Variants in NEK6 observed in about 807,000 individuals in gnomAD.
NEK6 encodes serine/threonine-protein kinase Nek6.
In NEK6, 27 loss-of-function variants were observed where a neutral mutation model predicts 43.5. The ratio of observed to expected loss-of-function variants is 0.62; its 90% CI spans 0.46 to 0.86. The LOEUF (loss-of-function observed/expected upper bound fraction) is 0.86. Among genes scored for constraint, NEK6 ranks in the 40% least tolerant of loss-of-function variants. The pLI is 0.00. For missense variants in NEK6, 318 were observed against 414.4 expected (o/e 0.77, Z 2.02); for synonymous variants, 167 against 164.1 (o/e 1.02, Z -0.14).
intron 2 of NEK6, among the ~76,000 whole-genome samples, chr9:124,308,038 G>A (rs1238820546): frequency 2.0e-5 from 3 of 152,182 alleles, no homozygotes; most frequent in Admixed American, 2.0e-4. Flanking sequence ...AGCACCTAGT[G>A]CCAGGCCCTC....
At chr9:124,312,164 G>C (rs1433413396) in intron 2 of NEK6, among the ~76,000 whole-genome samples, 1 of 152,244 alleles carries the variant, frequency 6.6e-6, no homozygotes, top group East Asian at 1.9e-4. Flanking sequence ...ATTCAGGAGA[G>C]GATGAGACGG....
chr9:124,305,910 T>C (rs961854968), intron 2 of NEK6, among the ~76,000 whole-genome samples: 4 of 152,250 alleles, frequency 2.6e-5, no homozygotes, highest in Non-Finnish European at 1.5e-5. Flanking sequence ...ATGGTGTTTA[T>C]GAAGGTCTCA....
chr9:124,335,480 A>G (rs1471577732), intron 7 of NEK6, among the ~76,000 whole-genome samples: 1 of 152,220 alleles, frequency 6.6e-6, no homozygotes, highest in African/African-American at 2.4e-5. Context: ...GATTATTGCC[A>G]TGAAAAGGAG....
chr9:124,262,893 G>A (rs2282087), intron 1 of NEK6: 2,934 of 152,332 alleles, frequency 0.019, 46 homozygotes, highest in East Asian at 0.084. Flanking sequence ...CATTTTCCCC[G>A]AATTGTTTAA....
chr9:124,260,739 T>C (rs1041638990), intron 1 of NEK6, among the ~76,000 whole-genome samples: 4 of 152,230 alleles, frequency 2.6e-5, no homozygotes, highest in Admixed American at 6.5e-5. Flanking sequence ...GTGCTAGGTC[T>C]GGTGCTGTAT....
At position 124,326,323 on chromosome 9, in the gene NEK6, A is replaced by G; in HGVS notation, c.406-7A>G. 6.4e-7 allele frequency: 1 copy of G among 1,572,522 alleles called. No homozygotes were observed. On this transcript the variant is annotated splice_polypyrimidine_tract_variant and splice_region_variant and intron_variant, in intron 5 of 9. Coordinates refer to ENST00000320246, the MANE Select transcript of NEK6 (RefSeq NM_014397.6). The surrounding 1 kb of genome is among the most constrained non-coding windows in gnomAD (Gnocchi z 4.5). ...GCCTATCCCTCTGCTTGTCTCCCCC[A>G]CTGCAGTACTTTAAGAAGCAGAAGC...
chr9:124,283,264 TGA>T (rs996844115), intron 1 of NEK6, among the ~76,000 whole-genome samples: 3 of 152,174 alleles, frequency 2.0e-5, no homozygotes, highest in African/African-American at 7.2e-5. Context: ...CAATACTGAA[TGA>T]GAGAGAGCAT....
intron 1 of NEK6, among the ~76,000 whole-genome samples, chr9:124,300,842 A>G (rs1163920005): frequency 6.6e-6 from 1 of 152,210 alleles, no homozygotes; most frequent in Admixed American, 6.5e-5. Flanking sequence ...CCAGGGGTAC[A>G]GCTGAGCTGC....
At chr9:124,327,654 CT>C (rs1828720426) in intron 7 of NEK6, among the ~76,000 whole-genome samples, 2 of 152,256 alleles carry the variant, frequency 1.3e-5, no homozygotes, top group South Asian at 4.1e-4. Context: ...CCCACACCCC[CT>C]GATCACCTCC....
intron 1 of NEK6, chr9:124,291,828 G>A: frequency 1.0e-6 from 1 of 985,632 alleles, no homozygotes; most frequent in Non-Finnish European, 1.2e-6. Flanking sequence ...TGGCGGCTGT[G>A]ACAAGTTCCA....
Position 124,330,316 on chromosome 9 carries a change from G to A in NEK6, c.622+2871G>A, listed in dbSNP as rs145422278. Among the ~76,000 whole-genome samples the A allele has an allele frequency of 2.8e-3, 426 of 152,368 alleles. 4 individuals are homozygous for A. Among genetic ancestry groups the A allele is most frequent in the Non-Finnish European group, 1.5e-3 (101 of 68,040 alleles). On this transcript the variant is annotated intron_variant, in intron 7 of 9. Transcript: ENST00000320246. The stretch of plus-strand genomic sequence containing the variant: ...AAATTAAGTGACAGTACACGCCGGC[G>A]TAATGCAGGAAAAATGAAAGATTTG...
At chr9:124,313,689 C>T (rs1833663212) in intron 3 of NEK6, among the ~76,000 whole-genome samples, 1 of 152,098 alleles carries the variant, frequency 6.6e-6, no homozygotes, top group African/African-American at 2.4e-5. Context: ...GGGAGGGGCT[C>T]ACCTGGGCTC....
At chr9:124,341,361 G>A (rs773244432) in intron 8 of NEK6, among the ~76,000 whole-genome samples, 3 of 150,886 alleles carry the variant, frequency 2.0e-5, no homozygotes, top group Non-Finnish European at 2.9e-5. Context: ...CCCTTCTCCC[G>A]GGGCTCAGCA....
At chr9:124,302,082 C>T in intron 2 of NEK6, 28 bp downstream of exon 2, 1 of 1,503,418 alleles carries the variant, frequency 6.7e-7, no homozygotes, top group East Asian at 2.4e-5. Context: ...GTCTGCAGCA[C>T]ACTGAAGAGT....
rs1237204915 is a variant in NEK6, at chr9:124,351,598, TCTC to T, written c.*654_*656del. 1 of 152,292 alleles carries T rather than the reference TCTC, an allele frequency of 6.6e-6. No individual in the cohort carries two copies. The highest frequency in any genetic ancestry group is 2.4e-5 in the African/African-American group (1 of 41,440). The allele number at this position is 152,292 out of a possible 1,614,324, so 9.4% of individuals were successfully genotyped here. ...TCTTGGCAGCCAGGCTGGGCCATCT[TCTC>T]CTGGACACCTGCTGTGTACCAGGAA... is the stretch of plus-strand genomic sequence containing the variant. On this transcript the variant is annotated 3_prime_UTR_variant, in exon 10 of 10. Transcript: ENST00000320246.
chr9:124,346,459 G>A (rs1367951352), intron 8 of NEK6, among the ~76,000 whole-genome samples: 3 of 152,302 alleles, frequency 2.0e-5, no homozygotes, highest in East Asian at 1.9e-4. Context: ...AGGGCCCCTC[G>A]GTAGGCGCCC....
intron 3 of NEK6, among the ~76,000 whole-genome samples, chr9:124,313,515 G>T (rs935509677): frequency 2.0e-5 from 3 of 152,076 alleles, no homozygotes; most frequent in Admixed American, 6.6e-5. Context: ...CTACAGGCGT[G>T]CACCACCACA....
chr9:124,314,924 T>TG (rs1450964033), intron 4 of NEK6, among the ~76,000 whole-genome samples: 1 of 152,170 alleles, frequency 6.6e-6, no homozygotes, highest in African/African-American at 2.4e-5. Context: ...CCTCCCAAAG[T>TG]GCTGGGATTA....
chr9:124,331,214 T>G (rs1828969811), intron 7 of NEK6, among the ~76,000 whole-genome samples: 1 of 134,676 alleles, frequency 7.4e-6, no homozygotes, highest in East Asian at 2.3e-4. Context: ...TGCAGTCAGC[T>G]GAGATGGCGC....
Sources: allele counts gnomAD v4.1 joint callset (sites outside exome capture counted in the v4.1 genomes callset), GRCh38; gene constraint gnomAD v4.1.1; non-coding constraint Gnocchi (gnomAD v3.1); transcripts MANE v1.5; gene names NCBI Gene and HGNC (gene_info 2026-07-23, HGNC 2026-07-21).